The following HTR2A variants were observed in gnomAD, a reference collection of about 807,000 sequenced individuals.
The protein encoded by HTR2A is 5-HT2 receptor.
Under a neutral mutation model 31.0 loss-of-function variants are expected in HTR2A, and 14 were observed. The observed-to-expected ratio is 0.45, with a 90% CI of 0.30 to 0.71. The LOEUF is 0.71. HTR2A is among the 30% of genes least tolerant of loss of function. HTR2A has a pLI of 0.09. For synonymous variants in HTR2A, 209 were observed against 225.2 expected, an observed-to-expected ratio of 0.93 and a Z score of 0.64; for missense variants, 442 against 573.3, an observed-to-expected ratio of 0.77 and a Z score of 2.34.
intron 3 of HTR2A, among the ~76,000 whole-genome samples, chr13:46,889,815 A>C (rs952016577): frequency 1.3e-5 from 2 of 152,248 alleles, no homozygotes; most frequent in African/African-American, 4.8e-5. Context: ...ACTCAAGAGA[A>C]TATTTGTGCT....
intron 3 of HTR2A, among the ~76,000 whole-genome samples, chr13:46,849,468 T>G (rs1261021301): frequency 6.6e-6 from 1 of 152,162 alleles, no homozygotes; most frequent in Non-Finnish European, 1.5e-5. Flanking sequence ...TTACTTTGGC[T>G]GCAGGCCCTC....
At chr13:46,865,908 C>T (rs915266055) in intron 3 of HTR2A, among the ~76,000 whole-genome samples, 1 of 152,078 alleles carries the variant, frequency 6.6e-6, no homozygotes, top group Non-Finnish European at 1.5e-5. Context: ...TTGAAGTGGT[C>T]CTAGATGTTG....
rs188118583 is a variant in HTR2A at position 46,875,727 on chromosome 13, T to C, written c.613+16663A>G. ...TCACCTACAGAAATCTTCCTAGAAG[T>C]GACTCTTCAGAAGAAAGGTTTTGAA... On this transcript the variant is annotated intron_variant, in intron 3 of 3. Transcript: ENST00000542664. Among the ~76,000 whole-genome samples, 436 of 152,244 alleles carry C rather than the reference T, an allele frequency of 2.9e-3. 1 individual carries two copies. Among genetic ancestry groups the C allele is most frequent in the Non-Finnish European group, 5.0e-3 (343 of 68,008 alleles).
At chr13:46,896,630 A>G in intron 1 of HTR2A, 44 bp downstream of exon 1, 2 of 1,411,438 alleles carry the variant, frequency 1.4e-6, no homozygotes, top group Non-Finnish European at 1.9e-6. Context: ...TCAAACCGGA[A>G]AGAAAATTAC....
intron 3 of HTR2A, among the ~76,000 whole-genome samples, chr13:46,885,983 T>A (rs1239354076): frequency 1.3e-5 from 2 of 152,242 alleles, no homozygotes; most frequent in African/African-American, 4.8e-5. Flanking sequence ...TTATTAACCC[T>A]TGGTCTGCCA....
In HTR2A at chr13:46,855,056, G is replaced by A. The variant is rs1950722129; in HGVS notation, c.614-19417C>T. Among the ~76,000 whole-genome samples, 3 of 152,240 alleles carry A rather than the reference G, an allele frequency of 2.0e-5. No homozygotes were observed. The South Asian group carries it at 6.2e-4, about 32-fold the overall frequency. On this transcript the variant is annotated intron_variant, in intron 3 of 3. Coordinates refer to ENST00000542664, the MANE Select transcript of HTR2A (RefSeq NM_000621.5). ...ACTATAAGTCAGGGAACACCAAATT[G>A]ACTAATGTCCCCCCAGAGCTAAGAA... is the stretch of plus-strand genomic sequence containing the variant.
intron 3 of HTR2A, among the ~76,000 whole-genome samples, chr13:46,847,105 T>A (rs1263395742): frequency 2.0e-5 from 3 of 152,226 alleles, no homozygotes; most frequent in Non-Finnish European, 4.4e-5. Flanking sequence ...AATTTGAGTT[T>A]CGATTCTTGG....
chr13:46,848,929 A>G (rs1393271581), intron 3 of HTR2A, among the ~76,000 whole-genome samples: 1 of 152,244 alleles, frequency 6.6e-6, no homozygotes, highest in Admixed American at 6.5e-5. Flanking sequence ...AGGAATAGAA[A>G]CAGGAGATAG....
intron 3 of HTR2A, among the ~76,000 whole-genome samples, chr13:46,886,525 C>T (rs569317230): frequency 1.3e-5 from 2 of 152,086 alleles, no homozygotes; most frequent in African/African-American, 4.8e-5. Flanking sequence ...TAAAGCAAAG[C>T]TACAAAAACA....
chr13:46,841,907 C>G (rs75907607), intron 3 of HTR2A, among the ~76,000 whole-genome samples: 19,334 of 152,026 alleles, frequency 0.13, 1,375 homozygotes, highest in Admixed American at 0.19. Flanking sequence ...ATTACAAAAC[C>G]CAAAGAGAAT....
In HTR2A at chr13:46,895,098, G is replaced by T. The variant is rs953309346; in HGVS notation, c.412+397C>A. 2.6e-5 allele frequency among the ~76,000 whole-genome samples: 4 copies of T among 152,172 alleles called. No individual in the cohort carries two copies. Among genetic ancestry groups the T allele is most frequent in the Non-Finnish European group, 4.4e-5 (3 of 68,028 alleles). On this transcript the variant is annotated intron_variant, in intron 2 of 3. Coordinates refer to ENST00000542664, the MANE Select transcript of HTR2A (RefSeq NM_000621.5). This position sits in a 1 kb window ranked among gnomAD's most constrained non-coding sequence, Gnocchi z 4.4. ...AGATTAAAACTGTTCTGTCCTGAAG[G>T]CTGGAATATTGGTTGGGAATATAAA...
intron 3 of HTR2A, among the ~76,000 whole-genome samples, chr13:46,843,769 G>A (rs180808900): frequency 6.6e-6 from 1 of 152,252 alleles, no homozygotes; most frequent in East Asian, 1.9e-4. Flanking sequence ...CAATGAGTAG[G>A]GGCTCCAGGA....
At chr13:46,846,104 G>GA (rs1950641162) in intron 3 of HTR2A, among the ~76,000 whole-genome samples, 2 of 151,982 alleles carry the variant, frequency 1.3e-5, no homozygotes, top group Admixed American at 6.6e-5. Context: ...TGATACAGGA[G>GA]AAAAAAAGCC....
At chr13:46,885,917 CT>C (rs1177350692) in intron 3 of HTR2A, among the ~76,000 whole-genome samples, 1 of 152,212 alleles carries the variant, frequency 6.6e-6, no homozygotes, top group East Asian at 1.9e-4. Context: ...CTTATTCTCT[CT>C]GTTAGATTGT....
rs868647452 is a variant in HTR2A at position 46,835,583 on chromosome 13, C to T, written c.670G>A (p.Glu224Lys). ...TCATCGGCGAGTAAGCAACTCCCCT[C>T]CTTAAAGACCTTCGAATCGTCCTGT... is the stretch of plus-strand genomic sequence containing the variant. Reference protein sequence around the residue: ...GLQDDSKVFKEGSCLLADDNF... With the variant: ...GLQDDSKVFKKGSCLLADDNF... Residue 224 changes from glutamate (E) to lysine (K), a missense_variant, in exon 4 of 4, where the codon GAG (glutamate) becomes AAG (lysine). Physicochemically the swap from Glu to Lys is moderately conservative, Grantham distance 56 (BLOSUM62 1). This residue lies in a region of HTR2A where 174 missense variants were observed against 195.1 expected (regional missense o/e 0.89). Coordinates refer to ENST00000542664, the MANE Select transcript of HTR2A (RefSeq NM_000621.5). The T allele has an allele frequency of 2.5e-6, 4 of 1,614,006 alleles. No individual in the cohort carries two copies. The African/African-American group carries it at 5.3e-5, about 22-fold the overall frequency.
chr13:46,886,685 G>C (rs140251755), intron 3 of HTR2A, among the ~76,000 whole-genome samples: 1 of 152,286 alleles, frequency 6.6e-6, no homozygotes, highest in African/African-American at 2.4e-5. Context: ...GGGTACCAAG[G>C]TAGCCAGGAT....
chr13:46,874,467 TC>T (rs1161453338), intron 3 of HTR2A, among the ~76,000 whole-genome samples: 2 of 152,238 alleles, frequency 1.3e-5, no homozygotes, highest in East Asian at 3.8e-4. Context: ...ATTCAGTCAT[TC>T]CTTCACCCAA....
At chr13:46,884,708 AAATGCTT>A (rs1260799661) in intron 3 of HTR2A, among the ~76,000 whole-genome samples, 1 of 152,114 alleles carries the variant, frequency 6.6e-6, no homozygotes, top group African/African-American at 2.4e-5. Flanking sequence ...AACTATACAG[AAATGCTT>A]AAGGAAAAAG....
chr13:46,852,436 T>C (rs1159343879), intron 3 of HTR2A, among the ~76,000 whole-genome samples: 1 of 152,228 alleles, frequency 6.6e-6, no homozygotes, highest in African/African-American at 2.4e-5. Flanking sequence ...CACAGAGTGC[T>C]ACCCTCTTCC....
Sources: gnomAD v4.1 joint callset for allele counts (sites outside exome capture counted in the v4.1 genomes callset) on GRCh38, gnomAD v4.1.1 for gene constraint, gnomAD v4.1.1 regional missense constraint, Gnocchi (gnomAD v3.1) non-coding constraint, MANE v1.5 for transcripts, NCBI Gene and HGNC (gene_info 2026-07-23, HGNC 2026-07-21) for gene names.